STAU2: variants seen among roughly 807,000 people sequenced by gnomAD.
STAU2 encodes the protein double-stranded RNA-binding protein Staufen homolog 2.
Under a neutral mutation model 65.9 loss-of-function variants are expected in STAU2, and 20 were observed. The ratio of observed to expected loss-of-function variants is 0.30; its 90% CI spans 0.21 to 0.44. The LOEUF is 0.44. Among genes scored for constraint, STAU2 ranks in the 20% least tolerant of loss-of-function variants. STAU2 has a pLI of 1.00. For synonymous variants in STAU2, 232 were observed against 233.9 expected, an observed-to-expected ratio of 0.99 and a Z score of 0.07; for missense variants, 558 against 683.9, an observed-to-expected ratio of 0.82 and a Z score of 2.05.
chr8:73,564,909 CGT>C (rs796136065), intron 12 of STAU2, among the ~76,000 whole-genome samples: 6 of 151,354 alleles, frequency 4.0e-5, no homozygotes, highest in Non-Finnish European at 5.9e-5. Context: ...GTATGGGTGT[CGT>C]GTGTGTGTGT....
At chr8:73,460,747 A>G (rs572441474) in intron 13 of STAU2, among the ~76,000 whole-genome samples, 2 of 152,340 alleles carry the variant, frequency 1.3e-5, no homozygotes, top group Admixed American at 6.5e-5. Flanking sequence ...AGTGCCAGAC[A>G]CTATACACAG....
chr8:73,623,815 T>G (rs927099837), intron 6 of STAU2, among the ~76,000 whole-genome samples: 1 of 152,184 alleles, frequency 6.6e-6, no homozygotes, highest in African/African-American at 2.4e-5. Context: ...AATATCTAGA[T>G]AGAAGACAGT....
intron 13 of STAU2, among the ~76,000 whole-genome samples, chr8:73,442,904 A>G (rs1025509187): frequency 1.7e-4 from 26 of 152,210 alleles, no homozygotes; most frequent in Non-Finnish European, 3.4e-4. Flanking sequence ...TTCTCAAGAT[A>G]TCACGCTAAA....
intron 6 of STAU2, chr8:73,668,952 A>G (rs1817448335): frequency 3.0e-6 from 2 of 673,970 alleles, no homozygotes; most frequent in Non-Finnish European, 5.3e-6. Context: ...AAATAAAAGG[A>G]CCTTTTCAAA....
chr8:73,495,849 T>A (rs1226677540), intron 13 of STAU2, among the ~76,000 whole-genome samples: 2 of 151,382 alleles, frequency 1.3e-5, no homozygotes, highest in Non-Finnish European at 3.0e-5. Context: ...TTTGGAACTT[T>A]CTCTCACAAG....
At chr8:73,669,089 T>C in intron 6 of STAU2, 1 of 702,388 alleles carries the variant, frequency 1.4e-6, no homozygotes, top group Non-Finnish European at 2.6e-6. Context: ...AGAGTCCCTG[T>C]AATCCATTCA....
At chr8:73,730,344 C>A (rs80108936) in intron 3 of STAU2, among the ~76,000 whole-genome samples, 73,274 of 152,042 alleles carry the variant, frequency 0.48, 19,709 homozygotes, top group Non-Finnish European at 0.62. Context: ...GGAGAAGATA[C>A]ATAGCATGAT....
intron 13 of STAU2, among the ~76,000 whole-genome samples, chr8:73,426,042 C>A (rs1254715266): frequency 6.6e-6 from 1 of 152,192 alleles, no homozygotes; most frequent in African/African-American, 2.4e-5. Context: ...ATCCACCTGC[C>A]CCAGCCTCCC....
intron 6 of STAU2, among the ~76,000 whole-genome samples, chr8:73,618,618 C>A (rs929578932): frequency 6.6e-6 from 1 of 152,190 alleles, no homozygotes; most frequent in Non-Finnish European, 1.5e-5. Flanking sequence ...AGGTTCTGCA[C>A]AGAGAAGTGA....
At chr8:73,737,931 A>G (rs902665068) in intron 3 of STAU2, among the ~76,000 whole-genome samples, 46 of 152,118 alleles carry the variant, frequency 3.0e-4, no homozygotes, top group African/African-American at 1.1e-3. Flanking sequence ...CAACTACTTC[A>G]CAAGATTTGT....
chr8:73,448,418 G>C (rs1818597565), intron 13 of STAU2, among the ~76,000 whole-genome samples: 1 of 152,180 alleles, frequency 6.6e-6, no homozygotes, highest in African/African-American at 2.4e-5. Context: ...GAGTAGCTGG[G>C]ACTACAGGCG....
At chr8:73,673,427 T>G (rs1325499318) in intron 5 of STAU2, among the ~76,000 whole-genome samples, 185 bp from the exon 6 acceptor site, 1 of 152,130 alleles carries the variant, frequency 6.6e-6, no homozygotes, top group Non-Finnish European at 1.5e-5. Flanking sequence ...TAATAAAATC[T>G]TGGGATTTTG....
intron 6 of STAU2, chr8:73,651,195 C>A: frequency 1.0e-6 from 1 of 982,312 alleles, no homozygotes; most frequent in Non-Finnish European, 1.5e-6. Context: ...CTCAGGCCGT[C>A]AGCATCAAGG....
chr8:73,679,977 C>CTTT (rs1563501520), intron 5 of STAU2, among the ~76,000 whole-genome samples: 1 of 96,972 alleles, frequency 1.0e-5, no homozygotes, highest in African/African-American at 3.5e-5. Context: ...CTAGGGAAGC[C>CTTT]ATTTTTTTTT....
rs1369306604 is a variant in STAU2 at position 73,420,457 on chromosome 8, C to T, written c.*915G>A. On this transcript the variant is annotated 3_prime_UTR_variant, in exon 15 of 15. Transcript: ENST00000524300. ...CCGGAGCGTGGCTGGCTGGAAGCAA[C>T]TCCAACAGGTTTTTCCCTTCCCCGT... 1 of 283,856 alleles carries T rather than the reference C, an allele frequency of 3.5e-6. No individual in the cohort carries two copies. Among genetic ancestry groups the T allele is most frequent in the Non-Finnish European group, 7.1e-6 (1 of 139,884 alleles). 17.6% of individuals were successfully genotyped at this position (283,856 alleles called of 1,614,324 possible).
chr8:73,527,834 C>T, intron 13 of STAU2: 1 of 1,472,798 alleles, frequency 6.8e-7, no homozygotes. Context: ...ATCCACTGAA[C>T]ACCATTTTCA....
chr8:73,506,027 C>G (rs1251997773), intron 13 of STAU2, among the ~76,000 whole-genome samples: 1 of 152,110 alleles, frequency 6.6e-6, no homozygotes, highest in African/African-American at 2.4e-5. Flanking sequence ...TTTCTAAGGC[C>G]TCATCAGAAG....
At chr8:73,644,962 A>C (rs1815262804) in intron 6 of STAU2, among the ~76,000 whole-genome samples, 1 of 152,184 alleles carries the variant, frequency 6.6e-6, no homozygotes, top group Admixed American at 6.5e-5. Flanking sequence ...CTAAAAAAGA[A>C]AATCTCCAGT....
intron 13 of STAU2, among the ~76,000 whole-genome samples, chr8:73,445,743 A>G (rs1350779460): frequency 2.0e-5 from 3 of 152,242 alleles, no homozygotes; most frequent in African/African-American, 7.2e-5. Flanking sequence ...GATGGCAAAC[A>G]TGAAAAGATG....
Sources: gnomAD v4.1 joint callset for allele counts (sites outside exome capture counted in the v4.1 genomes callset) on GRCh38, gnomAD v4.1.1 for gene constraint, MANE v1.5 for transcripts, NCBI Gene and HGNC (gene_info 2026-07-23, HGNC 2026-07-21) for gene names.